ST3GAL3: variants seen among roughly 807,000 people sequenced by gnomAD.
ST3GAL3 encodes ST3 beta-galactoside alpha-2,3-sialyltransferase 3.
ST3GAL3 carries 21 observed loss-of-function variants against 50.1 expected under a neutral mutation model. That is an observed-to-expected ratio of 0.42 (90% CI 0.30 to 0.60). The LOEUF (loss-of-function observed/expected upper bound fraction) is 0.60, where lower values mean the gene tolerates loss of function less well. Among genes scored for constraint, ST3GAL3 ranks in the 20% least tolerant of loss-of-function variants. The pLI is 0.19. For synonymous variants in ST3GAL3, 183 were observed against 190.0 expected (o/e 0.96, Z 0.30); for missense variants, 353 against 489.4 (o/e 0.72, Z 2.63).
chr1:43,836,506 C>T (rs1265086850), intron 4 of ST3GAL3, among the ~76,000 whole-genome samples: 1 of 152,254 alleles, frequency 6.6e-6, no homozygotes, highest in Admixed American at 6.5e-5. Context: ...AGACATGACA[C>T]ACACTAGGCA....
At chr1:43,801,169 A>G (rs1226959318) in intron 3 of ST3GAL3, 5 of 402,148 alleles carry the variant, frequency 1.2e-5, no homozygotes, top group Non-Finnish European at 2.0e-5. Flanking sequence ...TTTTTATCCC[A>G]TAAAATACCA....
At chr1:43,738,621 C>A (rs767938854) in intron 2 of ST3GAL3, 2 of 152,020 alleles carry the variant, frequency 1.3e-5, no homozygotes, top group Non-Finnish European at 2.9e-5. Context: ...CTCAACCTCT[C>A]GAAGTAGCCG....
chr1:43,872,281 G>A (rs1437382750), intron 5 of ST3GAL3, among the ~76,000 whole-genome samples: 2 of 121,184 alleles, frequency 1.7e-5, no homozygotes, highest in African/African-American at 6.3e-5. Flanking sequence ...GGGCTGTGGG[G>A]GGGACGGAGG....
chr1:43,844,980 TTTG>T (rs1180727544), intron 5 of ST3GAL3, among the ~76,000 whole-genome samples: 2 of 152,088 alleles, frequency 1.3e-5, no homozygotes, highest in Non-Finnish European at 2.9e-5. Context: ...TAGGAAGGCT[TTTG>T]TTGTTGTTTT....
intron 9 of ST3GAL3, among the ~76,000 whole-genome samples, chr1:43,915,153 G>A (rs998889735): frequency 2.6e-5 from 4 of 152,208 alleles, no homozygotes; most frequent in African/African-American, 7.2e-5. Flanking sequence ...CCATGAGGAG[G>A]GAGTGGCTGG....
chr1:43,883,928 T>A (rs1326917397), intron 5 of ST3GAL3, among the ~76,000 whole-genome samples: 8 of 152,270 alleles, frequency 5.3e-5, no homozygotes, highest in Non-Finnish European at 1.5e-5. Flanking sequence ...CTTTGAGATG[T>A]CTTTCCAGTA....
chr1:43,786,466 CTT>C (rs2057352531), intron 2 of ST3GAL3, among the ~76,000 whole-genome samples: 2 of 152,162 alleles, frequency 1.3e-5, no homozygotes, highest in Admixed American at 6.5e-5. Flanking sequence ...GCCTGGAACT[CTT>C]TCTCTTGATC....
At chr1:43,768,623 T>G (rs1260788300) in intron 2 of ST3GAL3, among the ~76,000 whole-genome samples, 1 of 152,138 alleles carries the variant, frequency 6.6e-6, no homozygotes, top group Non-Finnish European at 1.5e-5. Flanking sequence ...GTATGAACAA[T>G]TTTATGCCAA....
At chr1:43,914,084 C>T (rs1007545818) in intron 9 of ST3GAL3, 2 of 152,306 alleles carry the variant, frequency 1.3e-5, no homozygotes, top group African/African-American at 2.4e-5. Flanking sequence ...TGAGAAGAGA[C>T]GTGGCAGCTT....
chr1:43,782,138 TCTC>T (rs1198955489), intron 2 of ST3GAL3, among the ~76,000 whole-genome samples: 1 of 152,196 alleles, frequency 6.6e-6, no homozygotes, highest in Non-Finnish European at 1.5e-5. Context: ...CACCTTATCT[TCTC>T]CTTTCTTTTG....
At chr1:43,827,589 A>C (rs760305385) in intron 4 of ST3GAL3, among the ~76,000 whole-genome samples, 2 of 151,884 alleles carry the variant, frequency 1.3e-5, no homozygotes, top group Non-Finnish European at 2.9e-5. Context: ...TGCTGTCTCG[A>C]CCTCCCAGGC....
intron 9 of ST3GAL3, among the ~76,000 whole-genome samples, chr1:43,917,859 G>A (rs2082335120): frequency 2.0e-5 from 3 of 147,878 alleles, no homozygotes; most frequent in Non-Finnish European, 4.4e-5. Context: ...TGGTAGAAAC[G>A]GGGTTTCACC....
intron 4 of ST3GAL3, 46 bp downstream of exon 4, chr1:43,814,979 G>T (rs751243688): frequency 1.7e-5 from 27 of 1,591,290 alleles, no homozygotes; most frequent in Non-Finnish European, 2.2e-5. Flanking sequence ...AGAGAGGTCT[G>T]TGAGAGCTGG....
Position 43,894,109 on chromosome 1 carries a change from A to T in ST3GAL3, c.303-274A>T, listed in dbSNP as rs183490913. 488 of 476,974 alleles carry T rather than the reference A, an allele frequency of 1.0e-3. 2 individuals carry two copies. Among genetic ancestry groups the T allele is most frequent in the Non-Finnish European group, 1.7e-3 (430 of 258,084 alleles). 29.5% of individuals were successfully genotyped at this position (476,974 alleles called of 1,614,324 possible). A position where few individuals can be genotyped will look rare whatever the true frequency, so the allele number is the denominator to read the frequency against. ...CTTCCAGAGAGCTTCCAGCTCTGAG[A>T]AATTGATCCTTGCTGAACAAATCTT... On this transcript the variant is annotated intron_variant, in intron 5 of 11. Transcript: ENST00000347631.
At chr1:43,813,139 G>A (rs973942363) in intron 3 of ST3GAL3, among the ~76,000 whole-genome samples, 2 of 152,136 alleles carry the variant, frequency 1.3e-5, no homozygotes, top group Admixed American at 1.3e-4. Flanking sequence ...TTGCAACCAT[G>A]AGGGAAACAT....
At chr1:43,817,518 A>G (rs1188563359) in intron 4 of ST3GAL3, among the ~76,000 whole-genome samples, 1 of 95,514 alleles carries the variant, frequency 1.0e-5, no homozygotes, top group Admixed American at 1.3e-4. Context: ...CTTCTTCTTC[A>G]TTCTTCTTCC....
intron 1 of ST3GAL3, among the ~76,000 whole-genome samples, chr1:43,732,143 G>A (rs1676210459): frequency 6.6e-6 from 1 of 152,108 alleles, no homozygotes; most frequent in South Asian, 2.1e-4. Flanking sequence ...TTTCCAGCTG[G>A]TACATTATAT....
chr1:43,795,838 A>G (rs2058626822), intron 3 of ST3GAL3, among the ~76,000 whole-genome samples: 1 of 152,204 alleles, frequency 6.6e-6, no homozygotes, highest in African/African-American at 2.4e-5. Context: ...TAGGGGAAGA[A>G]TACCAGAATT....
intron 5 of ST3GAL3, among the ~76,000 whole-genome samples, chr1:43,864,543 G>T (rs2070826143): frequency 6.6e-6 from 1 of 152,206 alleles, no homozygotes. Context: ...CAAGTCCTTG[G>T]TAAGAGGCCT....
Sources: gnomAD v4.1 joint callset for allele counts (sites outside exome capture counted in the v4.1 genomes callset) on GRCh38, gnomAD v4.1.1 for gene constraint, MANE v1.5 for transcripts, NCBI Gene and HGNC (gene_info 2026-07-23, HGNC 2026-07-21) for gene names.